The following SNX24 variants were observed in gnomAD, a reference collection of about 807,000 sequenced individuals.
SNX24 encodes the protein sorting nexin-24.
Under a neutral mutation model 28.7 loss-of-function variants are expected in SNX24, and 22 were observed. That is an observed-to-expected ratio of 0.77 (90% CI 0.55 to 1.10). The LOEUF is 1.10. SNX24 is among the 50% of genes least tolerant of loss of function. The pLI, the probability that SNX24 is intolerant of heterozygous loss-of-function variation, is 0.00. For synonymous variants in SNX24, 69 were observed against 71.5 expected (o/e 0.96, Z 0.18); for missense variants, 221 against 201.1 (o/e 1.10, Z -0.60).
intron 3 of SNX24, among the ~76,000 whole-genome samples, chr5:122,954,293 A>G (rs933526080): frequency 1.3e-5 from 2 of 151,954 alleles, no homozygotes; most frequent in African/African-American, 4.8e-5. Context: ...TTGTGGGTAC[A>G]TAGTAGGTGT....
intron 5 of SNX24, chr5:123,029,104 CT>C: frequency 2.0e-6 from 2 of 984,796 alleles, no homozygotes; most frequent in South Asian, 3.4e-5. Context: ...CATATTTTCA[CT>C]TGATGATGAT....
At chr5:122,979,716 C>T (rs1561688418) in intron 3 of SNX24, among the ~76,000 whole-genome samples, 1 of 152,182 alleles carries the variant, frequency 6.6e-6, no homozygotes, top group African/African-American at 2.4e-5. Flanking sequence ...AACCTCTCCT[C>T]CTGCCTTCGG....
intron 6 of SNX24, among the ~76,000 whole-genome samples, chr5:123,003,342 C>T (rs1007903770): frequency 6.6e-6 from 1 of 152,194 alleles, no homozygotes; most frequent in Non-Finnish European, 1.5e-5. Flanking sequence ...GAATAACTTT[C>T]TCTCTGTAAC....
intron 1 of SNX24, among the ~76,000 whole-genome samples, chr5:122,849,594 A>G (rs1443907516): frequency 2.0e-5 from 3 of 151,508 alleles, no homozygotes; most frequent in African/African-American, 4.9e-5. Flanking sequence ...TATGCCCCCA[A>G]AAAAGGGGGG....
intron 3 of SNX24, among the ~76,000 whole-genome samples, chr5:122,952,440 G>T (rs577956056): frequency 6.6e-6 from 1 of 152,112 alleles, no homozygotes; most frequent in Non-Finnish European, 1.5e-5. Flanking sequence ...AACCCCCTTC[G>T]CACTCACCCC....
intron 1 of SNX24, 41 bp downstream of exon 1, chr5:122,845,734 G>A: frequency 8.0e-7 from 1 of 1,244,436 alleles, no homozygotes; most frequent in East Asian, 2.9e-5. Flanking sequence ...CGCGAGCCAG[G>A]CCTGCGGCTG....
chr5:123,000,217 G>A lies in SNX24; in HGVS notation c.344+211G>A, dbSNP rs184907855. Among the ~76,000 whole-genome samples the A allele has an allele frequency of 2.6e-3, 393 of 152,332 alleles. 3 individuals carry two copies. Among genetic ancestry groups the A allele is most frequent in the Middle Eastern group, 0.017 (5 of 294 alleles). On this transcript the variant is annotated intron_variant, in intron 4 of 6. Transcript: ENST00000261369. ...CTTGCGGCCAAATGGCCATGGTTCG[G>A]TAACCCATGTTTAGACTCAAGGAAT...
intron 1 of SNX24, among the ~76,000 whole-genome samples, chr5:122,894,776 G>A (rs1218114436): frequency 6.6e-6 from 1 of 152,152 alleles, no homozygotes; most frequent in Non-Finnish European, 1.5e-5. Context: ...GTACCTAGTA[G>A]GTAAGTATAA....
At chr5:122,862,353 C>T (rs1050746493) in intron 1 of SNX24, among the ~76,000 whole-genome samples, 2 of 151,858 alleles carry the variant, frequency 1.3e-5, no homozygotes, top group African/African-American at 2.4e-5. Flanking sequence ...CAGTGGCTGG[C>T]GCCTGTAATC....
At chr5:122,921,076 T>G (rs936435073) in intron 1 of SNX24, among the ~76,000 whole-genome samples, 3 of 151,968 alleles carry the variant, frequency 2.0e-5, no homozygotes, top group African/African-American at 7.3e-5. Context: ...TATATATATA[T>G]ACATATACGC....
At chr5:122,992,980 A>T (rs1381828336) in intron 3 of SNX24, among the ~76,000 whole-genome samples, 1 of 150,444 alleles carries the variant, frequency 6.6e-6, no homozygotes, top group Admixed American at 6.6e-5. Flanking sequence ...TTTTTTTTCA[A>T]ATCTTCTTAA....
At chr5:122,999,635 G>C (rs1762174480) in intron 3 of SNX24, among the ~76,000 whole-genome samples, 1 of 152,130 alleles carries the variant, frequency 6.6e-6, no homozygotes, top group South Asian at 2.1e-4. Context: ...GCTCCCCACT[G>C]TCTTGTCCCC....
At chr5:122,929,028 G>A (rs1758833713) in intron 1 of SNX24, among the ~76,000 whole-genome samples, 1 of 151,972 alleles carries the variant, frequency 6.6e-6, no homozygotes, top group African/African-American at 2.4e-5. Flanking sequence ...TCATTAAAAT[G>A]TAAGTAAGGT....
chr5:122,846,924 A>C (rs1464871255), intron 1 of SNX24, among the ~76,000 whole-genome samples: 1 of 143,422 alleles, frequency 7.0e-6, no homozygotes, highest in Non-Finnish European at 1.6e-5. Context: ...CTTCCTTAAA[A>C]ACAAACAAAC....
chr5:122,987,867 A>T lies in SNX24; in HGVS notation c.250-12045A>T, dbSNP rs114272619. On this transcript the variant is annotated intron_variant, in intron 3 of 6. Coordinates refer to ENST00000261369, the MANE Select transcript of SNX24 (RefSeq NM_014035.4). Reference sequence around the variant, plus strand: ...GTTTGCATACCAAGTCTATAGAACAAATACTTTCTTTGGCCTGTGTGCATG... The same window carrying T: ...GTTTGCATACCAAGTCTATAGAACATATACTTTCTTTGGCCTGTGTGCATG... 7.3e-3 allele frequency among the ~76,000 whole-genome samples: 1,113 copies of T among 152,338 alleles called. 18 individuals carry two copies. Among genetic ancestry groups the T allele is most frequent in the African/African-American group, 0.025 (1,055 of 41,568 alleles).
At chr5:122,977,001 C>T (rs1761192350) in intron 3 of SNX24, among the ~76,000 whole-genome samples, 1 of 151,934 alleles carries the variant, frequency 6.6e-6, no homozygotes, top group Non-Finnish European at 1.5e-5. Flanking sequence ...ATCCACATTA[C>T]CATTCTTATT....
intron 1 of SNX24, among the ~76,000 whole-genome samples, chr5:122,914,322 A>C (rs1758064095): frequency 6.6e-6 from 1 of 152,344 alleles, no homozygotes; most frequent in Middle Eastern, 3.4e-3. Flanking sequence ...GGATTTTTGC[A>C]TCAATGTTCA....
At chr5:122,875,548 G>C (rs1171401008) in intron 1 of SNX24, among the ~76,000 whole-genome samples, 3 of 152,208 alleles carry the variant, frequency 2.0e-5, no homozygotes, top group Non-Finnish European at 4.4e-5. Flanking sequence ...TTGTACGGGG[G>C]AGTGGTATCA....
At position 122,944,205 on chromosome 5, in the gene SNX24, G is replaced by A. The variant is rs564263697; in HGVS notation, c.145-1850G>A. 3.3e-5 allele frequency among the ~76,000 whole-genome samples: 5 copies of A among 152,254 alleles called. No individual in the cohort carries two copies. In the South Asian group the frequency reaches 1.0e-3, roughly 32 times the overall value. The stretch of plus-strand genomic sequence containing the variant: ...TGCTTTAATGTCCTCATCTTAGCAT[G>A]TGACTTTCACACTTCTGGTGACAAC... On this transcript the variant is annotated intron_variant, in intron 2 of 6. Coordinates refer to ENST00000261369, the MANE Select transcript of SNX24 (RefSeq NM_014035.4).
Sources: allele counts gnomAD v4.1 joint callset (sites outside exome capture counted in the v4.1 genomes callset), GRCh38; gene constraint gnomAD v4.1.1; transcripts MANE v1.5; gene names NCBI Gene and HGNC (gene_info 2026-07-23, HGNC 2026-07-21).